The following DSE variants were observed in gnomAD, a reference collection of about 807,000 sequenced individuals.
DSE encodes dermatan sulfate epimerase, also known as dermatan-sulfate epimerase.
A neutral mutation model predicts 84.4 loss-of-function variants in DSE; 36 were observed. The observed-to-expected ratio is 0.43, with a 90% CI of 0.33 to 0.56. DSE has a LOEUF of 0.56. Among genes scored for constraint, DSE ranks in the 20% least tolerant of loss-of-function variants. The pLI is 0.06. For synonymous variants in DSE, 410 were observed against 430.1 expected, an observed-to-expected ratio of 0.95 and a Z score of 0.58; for missense variants, 862 against 1,169.6, an observed-to-expected ratio of 0.74 and a Z score of 3.84.
intron 2 of DSE, chr6:116,288,241 C>G (rs574541281): frequency 5.3e-5 from 8 of 152,036 alleles, no homozygotes; most frequent in African/African-American, 1.9e-4. Context: ...TTTCACAAGC[C>G]TATTATGAAA....
intron 4 of DSE, among the ~76,000 whole-genome samples, chr6:116,432,162 G>A (rs1783882414): frequency 6.6e-6 from 1 of 152,164 alleles, no homozygotes. Context: ...ATTCATCCTA[G>A]TAAACAAAGG....
At chr6:116,383,252 A>G (rs1043599281) in intron 1 of DSE, among the ~76,000 whole-genome samples, 2 of 152,196 alleles carry the variant, frequency 1.3e-5, no homozygotes, top group African/African-American at 4.8e-5. Context: ...TAAGTTTACT[A>G]CAAAAGGGAG....
chr6:116,317,212 C>T (rs78128956), intron 2 of DSE, among the ~76,000 whole-genome samples: 4,001 of 152,290 alleles, frequency 0.026, 181 homozygotes, highest in African/African-American at 0.087. Flanking sequence ...GGGATTGGGC[C>T]TGCCTTTGTA....
intron 3 of DSE, among the ~76,000 whole-genome samples, chr6:116,428,104 A>C (rs2115069123): frequency 6.6e-6 from 1 of 152,248 alleles, no homozygotes; most frequent in South Asian, 2.1e-4. Flanking sequence ...CAGGAGAATC[A>C]CTTGAACCTG....
At chr6:116,310,273 G>A (rs1775609419) in intron 2 of DSE, among the ~76,000 whole-genome samples, 1 of 151,914 alleles carries the variant, frequency 6.6e-6, no homozygotes, top group African/African-American at 2.4e-5. Context: ...TGTGGCCGTG[G>A]TCCTCTGCTT....
At chr6:116,424,694 T>G (rs1331912255) in intron 2 of DSE, among the ~76,000 whole-genome samples, 1 of 152,140 alleles carries the variant, frequency 6.6e-6, no homozygotes, top group Non-Finnish European at 1.5e-5. Flanking sequence ...GGGAAACATA[T>G]ACATAGACAT....
chr6:116,419,131 C>T (rs1782914072), intron 2 of DSE, among the ~76,000 whole-genome samples: 1 of 152,208 alleles, frequency 6.6e-6, no homozygotes, highest in Non-Finnish European at 1.5e-5. Context: ...ACTACCCACT[C>T]AGAGCCTCCT....
At chr6:116,280,918 T>C (rs1425673984) in intron 2 of DSE, among the ~76,000 whole-genome samples, 1 of 152,236 alleles carries the variant, frequency 6.6e-6, no homozygotes, top group Non-Finnish European at 1.5e-5. Flanking sequence ...AGGCAAACGT[T>C]ATTTTCTACT....
intron 2 of DSE, among the ~76,000 whole-genome samples, chr6:116,307,983 G>A (rs142949039): frequency 6.6e-6 from 1 of 152,120 alleles, no homozygotes; most frequent in African/African-American, 2.4e-5. Flanking sequence ...TGTTTTCTTT[G>A]TTTTTTATTT....
intron 2 of DSE, among the ~76,000 whole-genome samples, chr6:116,273,924 G>A (rs1449494116): frequency 1.3e-5 from 2 of 151,108 alleles, no homozygotes; most frequent in East Asian, 3.9e-4. Context: ...CCACCTCTTG[G>A]GTTCAAGCGA....
At chr6:116,330,440 C>T (rs1776868691) in intron 2 of DSE, among the ~76,000 whole-genome samples, 1 of 152,102 alleles carries the variant, frequency 6.6e-6, no homozygotes, top group Non-Finnish European at 1.5e-5. Flanking sequence ...TTTGGTATTA[C>T]ATATGTTTTT....
chr6:116,415,435 A>G (rs1468970136), intron 2 of DSE, among the ~76,000 whole-genome samples: 1 of 152,108 alleles, frequency 6.6e-6, no homozygotes, highest in Non-Finnish European at 1.5e-5. Flanking sequence ...GAGTCTGTGT[A>G]CTGTGCACTT....
intron 2 of DSE, among the ~76,000 whole-genome samples, chr6:116,338,150 T>A (rs137901603): frequency 2.8e-4 from 41 of 146,696 alleles, no homozygotes; most frequent in African/African-American, 9.6e-4. Context: ...GCATCCTTTC[T>A]TTGTGCCTTC....
intron 3 of DSE, among the ~76,000 whole-genome samples, chr6:116,429,349 C>T (rs1583224451): frequency 6.6e-6 from 1 of 152,264 alleles, no homozygotes; most frequent in East Asian, 1.9e-4. Flanking sequence ...CCTCTGGAAG[C>T]CCCACACCTG....
rs375420496 is a variant in DSE, at chr6:116,386,988, CAT to C, written c.-53-12208_-53-12207del. On this transcript the variant is annotated intron_variant, in intron 1 of 5. Coordinates refer to ENST00000644252, the MANE Select transcript of DSE (RefSeq NM_013352.4). The stretch of plus-strand genomic sequence containing the variant: ...GATATAAGGACATACCAAAAATACA[CAT>C]AATGTCAAGAACGGTTTAGCTAAAT... Among the ~76,000 whole-genome samples the C allele has an allele frequency of 7.3e-4, 111 of 152,282 alleles. No homozygotes were observed. In the South Asian group the frequency reaches 0.023, roughly 31 times the overall value.
At position 116,321,909 on chromosome 6, in the gene DSE, G is replaced by A. The variant is rs140705601; in HGVS notation, c.-54+62942G>A. On this transcript the variant is annotated intron_variant, in intron 2 of 3. Transcript: ENST00000430252. ...TCTAGTACCTGACAATCAACATGCCGCAATTTTTTCACATGATAGTGTAGC... is the reference window on the plus strand; with the variant it reads ...TCTAGTACCTGACAATCAACATGCCACAATTTTTTCACATGATAGTGTAGC... Among the ~76,000 whole-genome samples the A allele has an allele frequency of 1.2e-4, 19 of 152,110 alleles. No homozygotes were observed. In the East Asian group the frequency reaches 3.3e-3, roughly 26 times the overall value.
At position 116,443,850 on chromosome 6, in the gene DSE, T is replaced by A. The variant is rs540403148; in HGVS notation, c.*6505T>A. On this transcript the variant is annotated 3_prime_UTR_variant, in exon 6 of 6. Coordinates refer to ENST00000644252, the MANE Select transcript of DSE (RefSeq NM_013352.4). Reference sequence around the variant, plus strand: ...TTTCAATGGTCTAGGCACTTCCTTTTTCTTCCAAAGAAATGGTAATAACAG... The same window carrying A: ...TTTCAATGGTCTAGGCACTTCCTTTATCTTCCAAAGAAATGGTAATAACAG... 7.2e-5 allele frequency: 11 copies of A among 152,364 alleles called. No individual in the cohort carries two copies. The highest frequency in any genetic ancestry group is 1.3e-4 in the Non-Finnish European group (9 of 68,034). The allele number at this position is 152,364 out of a possible 1,614,324, so 9.4% of individuals were successfully genotyped here. A position where few individuals can be genotyped will look rare whatever the true frequency, so the allele number is the denominator to read the frequency against.
At chr6:116,381,545 C>G (rs73767756) in intron 1 of DSE, among the ~76,000 whole-genome samples, 2,610 of 152,148 alleles carry the variant, frequency 0.017, 76 homozygotes, top group African/African-American at 0.061. Context: ...TTCTATGGGA[C>G]CTTGGGTAGC....
chr6:116,301,759 A>G (rs1775055892), intron 2 of DSE, among the ~76,000 whole-genome samples: 1 of 151,896 alleles, frequency 6.6e-6, no homozygotes, highest in Non-Finnish European at 1.5e-5. Flanking sequence ...TGCTTTAGGT[A>G]TTTCTCCTAA....
Sources: gnomAD v4.1 joint callset for allele counts (sites outside exome capture counted in the v4.1 genomes callset) on GRCh38, gnomAD v4.1.1 for gene constraint, MANE v1.5 for transcripts, NCBI Gene and HGNC (gene_info 2026-07-23, HGNC 2026-07-21) for gene names.